The following MLPH variants were observed in gnomAD, a reference collection of about 807,000 sequenced individuals.
MLPH encodes the protein exophilin-3.
In MLPH, 51 loss-of-function variants were observed where a neutral mutation model predicts 72.1. The observed-to-expected ratio is 0.71, with a 90% CI of 0.56 to 0.89. The LOEUF is 0.89. Among genes scored for constraint, MLPH ranks in the 40% least tolerant of loss-of-function variants. The probability of loss-of-function intolerance (pLI) is 0.00; values close to 1 mark genes in which losing one functional copy is unlikely to be tolerated. For missense variants in MLPH, 743 were observed against 759.9 expected, an observed-to-expected ratio of 0.98 and a Z score of 0.26; for synonymous variants, 301 against 310.1, an observed-to-expected ratio of 0.97 and a Z score of 0.31.
At chr2:237,544,466 AGTGGG>A (rs1192555895) in intron 12 of MLPH, among the ~76,000 whole-genome samples, 1 of 38,394 alleles carries the variant, frequency 2.6e-5, no homozygotes, top group African/African-American at 2.0e-4. Flanking sequence ...GACAGTAGTG[AGTGGG>A]GACAGTGGTG....
chr2:237,524,987 C>A (rs1258912516), intron 6 of MLPH, among the ~76,000 whole-genome samples: 1 of 152,210 alleles, frequency 6.6e-6, no homozygotes, highest in African/African-American at 2.4e-5. Context: ...TGGAGGCTGT[C>A]CTAAGTGCGC....
chr2:237,510,125 T>C lies in MLPH; in HGVS notation c.111-449T>C, dbSNP rs542374755. 189 of 250,670 alleles carry C rather than the reference T, an allele frequency of 7.5e-4. 4 individuals carry two copies. The South Asian group carries it at 9.7e-3, about 13-fold the overall frequency. 15.5% of individuals were successfully genotyped at this position (250,670 alleles called of 1,614,324 possible). On this transcript the variant is annotated intron_variant, in intron 2 of 15. Transcript: ENST00000264605. The surrounding 1 kb of genome is among the most constrained non-coding windows in gnomAD (Gnocchi z 4.4). ...TGGAAACTCACCGAGCCATTTCAGC[T>C]GCGCTCTAGAGGAGCAAACCTGGGG...
At chr2:237,551,742 C>T (rs944987995) in intron 14 of MLPH, among the ~76,000 whole-genome samples, 1 of 152,158 alleles carries the variant, frequency 6.6e-6, no homozygotes, top group African/African-American at 2.4e-5. Flanking sequence ...TTTCAGGAGG[C>T]CAAGGCGGGC....
chr2:237,541,010 C>T lies in MLPH; in HGVS notation c.1446+53C>T. 6.4e-7 allele frequency: 1 copy of T among 1,557,786 alleles called. No homozygotes were observed. The highest frequency in any genetic ancestry group is 8.7e-7 in the Non-Finnish European group (1 of 1,150,328). On this transcript the variant is annotated intron_variant, in intron 11 of 15. Coordinates refer to ENST00000264605, the MANE Select transcript of MLPH (RefSeq NM_024101.7). This position sits in a 1 kb window ranked among gnomAD's most constrained non-coding sequence, Gnocchi z 5.1. ...GAGTTCCACAAACACAGATGGTGAC[C>T]ACACCCAGGCCTTGAACATCTGCCA...
rs1287423254 is a variant in MLPH, at chr2:237,505,136, G to A, written c.111-5438G>A. ...TCATGACCCTCCCGGTGGCCAGGTT[G>A]ATGGGGTCTGGACTCCACACACTGT... On this transcript the variant is annotated intron_variant, in intron 2 of 15. Transcript: ENST00000264605. This position sits in a 1 kb window ranked among gnomAD's most constrained non-coding sequence, Gnocchi z 4.5. 6.6e-6 allele frequency among the ~76,000 whole-genome samples: 1 copy of A among 152,194 alleles called. No individual in the cohort carries two copies.
intron 13 of MLPH, among the ~76,000 whole-genome samples, chr2:237,547,993 AC>A (rs1327566065): frequency 1.3e-5 from 2 of 152,108 alleles, no homozygotes; most frequent in Non-Finnish European, 2.9e-5. Context: ...TCCTCTTCCA[AC>A]CCCGGCAGCT....
At chr2:237,514,691 T>C (rs1410279945) in intron 4 of MLPH, among the ~76,000 whole-genome samples, 1 of 152,090 alleles carries the variant, frequency 6.6e-6, no homozygotes. Flanking sequence ...ATCCGCTGAG[T>C]GTGTAAAAAT....
chr2:237,515,775 T>C (rs74001383), intron 4 of MLPH, among the ~76,000 whole-genome samples: 30,502 of 152,022 alleles, frequency 0.2, 3,747 homozygotes, highest in African/African-American at 0.34. Flanking sequence ...TGCTGCCCAC[T>C]GGTGCCCATG....
At position 237,510,648 on chromosome 2, in the gene MLPH, C is replaced by T. The variant is rs552397362; in HGVS notation, c.185C>T (p.Thr62Ile). Residue 62 changes from threonine (T) to isoleucine (I), a missense_variant, in exon 3 of 16, where the codon ACC becomes ATC. Transcript: ENST00000264605. The surrounding 1 kb of genome is among the most constrained non-coding windows in gnomAD (Gnocchi z 4.4). The stretch of plus-strand genomic sequence containing the variant: ...TCCGACACTGCCCATCTGAACGAGA[C>T]CCACTGCGCCCGCTGCCTGCAGCCC... ...LLSDTAHLNE[T>I]HCARCLQPYQ... The T allele has an allele frequency of 7.3e-5, 117 of 1,613,792 alleles. 1 individual carries two copies. The South Asian group carries it at 1.2e-3, about 16-fold the overall frequency.
intron 9 of MLPH, 31 bp from the exon 10 acceptor site, chr2:237,540,317 C>G (rs746956519): frequency 1.9e-6 from 3 of 1,611,762 alleles, no homozygotes; most frequent in Non-Finnish European, 2.5e-6. Context: ...GATGGCTAGC[C>G]GAATCCAAAT....
chr2:237,506,307 A>G (rs2079770332), intron 2 of MLPH, among the ~76,000 whole-genome samples: 1 of 152,238 alleles, frequency 6.6e-6, no homozygotes, highest in Non-Finnish European at 1.5e-5. Flanking sequence ...CCAAAATCAG[A>G]GTGTGAGTAA....
intron 9 of MLPH, among the ~76,000 whole-genome samples, chr2:237,538,540 T>C (rs566307415): frequency 3.0e-4 from 46 of 152,256 alleles, no homozygotes; most frequent in African/African-American, 1.1e-3. Flanking sequence ...GCTGGCGGCG[T>C]CGCTGTCCGA....
At chr2:237,494,931 G>T (rs886525468) in intron 2 of MLPH, among the ~76,000 whole-genome samples, 2 of 152,178 alleles carry the variant, frequency 1.3e-5, no homozygotes, top group African/African-American at 2.4e-5. Flanking sequence ...ACACACAGCT[G>T]TCCTGCAGTT....
chr2:237,531,643 A>G (rs1237271791), intron 8 of MLPH, among the ~76,000 whole-genome samples: 2 of 152,106 alleles, frequency 1.3e-5, no homozygotes, highest in Non-Finnish European at 2.9e-5. Context: ...GTTTCTCTTT[A>G]TTTATTCCTA....
chr2:237,495,832 A>G (rs1312208485), intron 2 of MLPH, among the ~76,000 whole-genome samples: 1 of 152,166 alleles, frequency 6.6e-6, no homozygotes, highest in Non-Finnish European at 1.5e-5. Flanking sequence ...AAGCCTGAGC[A>G]GAGGCTGCGG....
intron 12 of MLPH, chr2:237,545,488 C>G (rs1197482455): frequency 7.8e-7 from 1 of 1,288,052 alleles, no homozygotes; most frequent in East Asian, 5.6e-5. Flanking sequence ...AGCCTCTGCT[C>G]TGAGGATCTG....
chr2:237,489,533 C>G (rs1033626212), intron 1 of MLPH, among the ~76,000 whole-genome samples: 1 of 152,156 alleles, frequency 6.6e-6, no homozygotes, highest in African/African-American at 2.4e-5. Flanking sequence ...ACAGGCTGAC[C>G]TGGACGGCAG....
intron 4 of MLPH, among the ~76,000 whole-genome samples, chr2:237,514,356 C>G (rs2079969596): frequency 6.6e-6 from 1 of 152,256 alleles, no homozygotes; most frequent in Admixed American, 6.5e-5. Context: ...ACTTGGGCCT[C>G]TCAAAGTGCT....
intron 2 of MLPH, among the ~76,000 whole-genome samples, chr2:237,508,683 T>C (rs185333803): frequency 1.3e-5 from 2 of 152,336 alleles, no homozygotes; most frequent in East Asian, 3.9e-4. Context: ...TTGGATCTAA[T>C]ATTCCACGGT....
Sources: gnomAD v4.1 joint callset for allele counts (sites outside exome capture counted in the v4.1 genomes callset) on GRCh38, gnomAD v4.1.1 for gene constraint, Gnocchi (gnomAD v3.1) non-coding constraint, MANE v1.5 for transcripts, NCBI Gene and HGNC (gene_info 2026-07-23, HGNC 2026-07-21) for gene names.